Variants in ENOX1 observed in about 807,000 individuals in gnomAD.
ENOX1 encodes candidate growth-related and time keeping constitutive hydroquinone (NADH) oxidase.
ENOX1 carries 42 observed loss-of-function variants against 82.5 expected under a neutral mutation model. The ratio of observed to expected loss-of-function variants is 0.51; its 90% CI spans 0.40 to 0.66. The LOEUF is 0.66. ENOX1 is among the 30% of genes least tolerant of loss of function. ENOX1 has a pLI of 0.00. For missense variants in ENOX1, 608 were observed against 811.6 expected (o/e 0.75, Z 3.05); for synonymous variants, 271 against 282.2 (o/e 0.96, Z 0.40).
At chr13:43,703,232 A>G (rs2153809597) in intron 1 of ENOX1, among the ~76,000 whole-genome samples, 1 of 152,356 alleles carries the variant, frequency 6.6e-6, no homozygotes, top group African/African-American at 2.4e-5. Context: ...TGGGAGGCAT[A>G]GAAAAATGGG....
chr13:43,744,395 C>G (rs963361396), intron 1 of ENOX1, among the ~76,000 whole-genome samples: 4 of 152,128 alleles, frequency 2.6e-5, no homozygotes, highest in Admixed American at 2.6e-4. Context: ...AATGAGGAAG[C>G]TGTGCCTCTT....
intron 2 of ENOX1, among the ~76,000 whole-genome samples, chr13:43,621,688 G>A (rs1283368405): frequency 1.3e-5 from 2 of 151,992 alleles, no homozygotes; most frequent in Admixed American, 6.6e-5. Flanking sequence ...CTTAAGATTC[G>A]TTCCTTCATC....
intron 11 of ENOX1, 88 bp from the exon 12 acceptor site, chr13:43,298,618 AG>A: frequency 2.3e-6 from 3 of 1,279,370 alleles, no homozygotes; most frequent in Non-Finnish European, 2.1e-6. Flanking sequence ...CTGTCACCCA[AG>A]TTCTTAATGT....
chr13:43,726,896 C>A (rs980771705), intron 1 of ENOX1, among the ~76,000 whole-genome samples: 1 of 152,000 alleles, frequency 6.6e-6, no homozygotes, highest in Non-Finnish European at 1.5e-5. Context: ...CACACGTCCC[C>A]ACACCTGGCT....
chr13:43,450,549 T>C (rs980303959), intron 3 of ENOX1, among the ~76,000 whole-genome samples: 1 of 151,940 alleles, frequency 6.6e-6, no homozygotes, highest in Non-Finnish European at 1.5e-5. Flanking sequence ...GGAAGGGCCT[T>C]TATTATGGTT....
At chr13:43,338,411 T>C (rs1361688962) in intron 9 of ENOX1, among the ~76,000 whole-genome samples, 2 of 152,086 alleles carry the variant, frequency 1.3e-5, no homozygotes, top group Non-Finnish European at 2.9e-5. Flanking sequence ...AGAAATGACA[T>C]AAAGATGAGA....
chr13:43,336,361 T>C (rs1189199420), intron 9 of ENOX1, among the ~76,000 whole-genome samples: 1 of 152,224 alleles, frequency 6.6e-6, no homozygotes, highest in Non-Finnish European at 1.5e-5. Context: ...TGATAAATAT[T>C]TGTGGAATGA....
At chr13:43,410,054 C>T (rs963581147) in intron 5 of ENOX1, among the ~76,000 whole-genome samples, 7 of 152,180 alleles carry the variant, frequency 4.6e-5, no homozygotes, top group South Asian at 4.2e-4. Context: ...TTCTATAACG[C>T]GTAGGGCTGT....
At chr13:43,326,651 C>T in intron 9 of ENOX1, 126 bp from the exon 10 acceptor site, 2 of 764,982 alleles carry the variant, frequency 2.6e-6, no homozygotes, top group South Asian at 1.6e-5. Context: ...CAATATCCAT[C>T]CAATTTGTGC....
chr13:43,693,068 C>T (rs913856662), intron 1 of ENOX1, among the ~76,000 whole-genome samples: 1 of 152,000 alleles, frequency 6.6e-6, no homozygotes, highest in Non-Finnish European at 1.5e-5. Flanking sequence ...ATTTATAACA[C>T]AGTTGTGTTT....
chr13:43,383,944 G>A (rs955507455), intron 5 of ENOX1, among the ~76,000 whole-genome samples: 2 of 152,216 alleles, frequency 1.3e-5, no homozygotes, highest in African/African-American at 4.8e-5. Context: ...GTCCCAGAAT[G>A]TAAAGGCTGC....
intron 16 of ENOX1, among the ~76,000 whole-genome samples, chr13:43,223,143 G>A (rs938595357): frequency 6.6e-6 from 1 of 152,202 alleles, no homozygotes; most frequent in African/African-American, 2.4e-5. Flanking sequence ...ATTTAGCTGT[G>A]TCTGTTCAGG....
At chr13:43,288,072 C>T (rs1469592286) in intron 12 of ENOX1, among the ~76,000 whole-genome samples, 2 of 152,158 alleles carry the variant, frequency 1.3e-5, no homozygotes, top group Non-Finnish European at 2.9e-5. Flanking sequence ...TGAGGATTAT[C>T]ATCTTGTGGC....
At chr13:43,361,217 T>C (rs1198394789) in intron 6 of ENOX1, 62 bp downstream of exon 6, 4 of 1,566,994 alleles carry the variant, frequency 2.6e-6, no homozygotes, top group Non-Finnish European at 3.5e-6. Flanking sequence ...TGCAATGCCA[T>C]TTTAAAATTT....
chr13:43,587,282 G>C (rs1174245539), intron 2 of ENOX1, among the ~76,000 whole-genome samples: 1 of 152,080 alleles, frequency 6.6e-6, no homozygotes, highest in Non-Finnish European at 1.5e-5. Context: ...TCAATTTTCA[G>C]CATAGATAAG....
intron 11 of ENOX1, among the ~76,000 whole-genome samples, chr13:43,313,085 T>G (rs2209328): frequency 0.95 from 145,137 of 152,220 alleles, 69,608 homozygotes; most frequent in East Asian, 1. Flanking sequence ...ATAAAATTCA[T>G]TGGTGCCATA....
At chr13:43,760,860 G>GAAAAAAAAAA (rs386378983) in intron 1 of ENOX1, among the ~76,000 whole-genome samples, 2 of 127,326 alleles carry the variant, frequency 1.6e-5, no homozygotes, top group Non-Finnish European at 3.2e-5. Context: ...CATTAAAGTG[G>GAAAAAAAAAA]AAAAAAAAAA....
At chr13:43,335,320 C>T (rs561334413) in intron 9 of ENOX1, among the ~76,000 whole-genome samples, 19 of 152,332 alleles carry the variant, frequency 1.2e-4, no homozygotes, top group African/African-American at 4.1e-4. Flanking sequence ...CTTTCAGTTA[C>T]GCAGAGTCAA....
At chr13:43,517,463 A>C (rs903619528) in intron 2 of ENOX1, among the ~76,000 whole-genome samples, 5 of 152,094 alleles carry the variant, frequency 3.3e-5, no homozygotes, top group Non-Finnish European at 7.4e-5. Context: ...GCGCCATTGC[A>C]CTCCAGCCTG....
Sources: gnomAD v4.1 joint callset for allele counts (sites outside exome capture counted in the v4.1 genomes callset) on GRCh38, gnomAD v4.1.1 for gene constraint, MANE v1.5 for transcripts, NCBI Gene and HGNC (gene_info 2026-07-23, HGNC 2026-07-21) for gene names.